KARS1: variants seen among roughly 807,000 people sequenced by gnomAD.
KARS1 encodes the protein lysyl-tRNA synthetase 1, also known as lysine--tRNA ligase.
In KARS1, 50 loss-of-function variants were observed where a neutral mutation model predicts 63.9. The observed-to-expected ratio is 0.78, with a 90% CI of 0.62 to 0.99. KARS1 has a LOEUF of 0.99. Among genes scored for constraint, KARS1 ranks in the 50% least tolerant of loss-of-function variants. The pLI, the probability that KARS1 is intolerant of heterozygous loss-of-function variation, is 0.00. For missense variants in KARS1, 816 were observed against 754.5 expected, an observed-to-expected ratio of 1.08 and a Z score of -0.95; for synonymous variants, 320 against 264.6, an observed-to-expected ratio of 1.21 and a Z score of -2.03.
intron 1 of KARS1, among the ~76,000 whole-genome samples, chr16:75,643,874 G>A (rs1017255064): frequency 6.6e-6 from 1 of 152,136 alleles, no homozygotes; most frequent in African/African-American, 2.4e-5. Flanking sequence ...AGATAAATCT[G>A]TTTTCCACTC....
chr16:75,637,484 A>G (rs1567502121), intron 3 of KARS1, among the ~76,000 whole-genome samples: 1 of 152,066 alleles, frequency 6.6e-6, no homozygotes, highest in Non-Finnish European at 1.5e-5. Flanking sequence ...CATTAAGAAG[A>G]TCTAAAGGAG....
intron 1 of KARS1, 46 bp downstream of exon 1, chr16:75,647,530 CCA>C (rs1567507342): frequency 6.3e-7 from 1 of 1,576,330 alleles, no homozygotes; most frequent in South Asian, 1.1e-5. Flanking sequence ...GCTTCCCAGC[CCA>C]GACTCTCCTA....
chr16:75,635,704 G>A lies in KARS1; in HGVS notation c.771C>T (p.Phe257=), dbSNP rs888079299. ...RSKIITYIRS[F]LDELGFLEIE... ...CCTCTAGGAATCCCAGCTCATCTAA[G>A]AAACTTCTTATATATGTGATGATCT... The change falls in exon 6 of 14, where the codon TTC becomes TTT. Residue 257 remains phenylalanine (F), a synonymous_variant. Transcript: ENST00000302445. 5 of 1,614,166 alleles carry A rather than the reference G, an allele frequency of 3.1e-6. No homozygotes were observed. Among genetic ancestry groups the A allele is most frequent in the East Asian group, 4.5e-5 (2 of 44,884 alleles).
intron 6 of KARS1, 35 bp downstream of exon 6, chr16:75,635,645 G>A: frequency 6.2e-7 from 1 of 1,612,112 alleles, no homozygotes; most frequent in Non-Finnish European, 8.5e-7. Flanking sequence ...GCATTGCAAG[G>A]CAGCTCATCA....
intron 6 of KARS1, among the ~76,000 whole-genome samples, chr16:75,634,538 C>A (rs926253245): frequency 1.3e-5 from 2 of 152,188 alleles, no homozygotes; most frequent in African/African-American, 4.8e-5. Context: ...AAATTAGAAT[C>A]TAAATGGATA....
chr16:75,645,333 C>T (rs746030631), intron 1 of KARS1, among the ~76,000 whole-genome samples: 1 of 152,192 alleles, frequency 6.6e-6, no homozygotes, highest in Non-Finnish European at 1.5e-5. Context: ...AGTTCAGATC[C>T]GTGCTCCAGT....
chr16:75,643,555 A>G (rs147441039), intron 1 of KARS1, among the ~76,000 whole-genome samples: 2 of 151,910 alleles, frequency 1.3e-5, no homozygotes, highest in Admixed American at 1.3e-4. Context: ...TTTTTTTGGT[A>G]TTTTTAGTGA....
intron 1 of KARS1, among the ~76,000 whole-genome samples, chr16:75,644,981 C>G (rs919509172): frequency 6.6e-6 from 1 of 152,178 alleles, no homozygotes; most frequent in African/African-American, 2.4e-5. Flanking sequence ...CAGGAAGGTC[C>G]TTAGACTGCG....
chr16:75,645,639 C>G (rs2082272249), intron 1 of KARS1, among the ~76,000 whole-genome samples: 1 of 152,060 alleles, frequency 6.6e-6, no homozygotes, highest in Admixed American at 6.6e-5. Flanking sequence ...CTGAGCTCAG[C>G]AGTTTGACGC....
chr16:75,641,235 T>C (rs1256333477), intron 2 of KARS1, among the ~76,000 whole-genome samples: 1 of 152,062 alleles, frequency 6.6e-6, no homozygotes, highest in African/African-American at 2.4e-5. Context: ...TGGGTTTGGC[T>C]GGTGGACTGT....
At chr16:75,646,192 T>C (rs1482743372) in intron 1 of KARS1, among the ~76,000 whole-genome samples, 1 of 152,204 alleles carries the variant, frequency 6.6e-6, no homozygotes, top group Admixed American at 6.5e-5. Context: ...ACTTCGACAA[T>C]TTCTCTTATA....
chr16:75,638,885 C>T (rs1019683428), intron 3 of KARS1, among the ~76,000 whole-genome samples: 3 of 152,154 alleles, frequency 2.0e-5, no homozygotes, highest in Admixed American at 2.0e-4. Context: ...TAAAAAAGAT[C>T]TGCTGGGAGC....
chr16:75,641,585 C>G lies in KARS1; in HGVS notation c.201G>C (p.Glu67Asp), dbSNP rs759467580. 1.2e-6 allele frequency: 2 copies of G among 1,613,934 alleles called. No homozygotes were observed. Among genetic ancestry groups the G allele is most frequent in the Non-Finnish European group, 8.5e-7 (1 of 1,179,938 alleles). ...NHTTDNGVGP[E>D]EESVDPNQYY... ...TCACATTTGGGTCCACGCTCTCTTC[C>G]TCAGGACCCACACCATTATCAGTGG... Residue 67 changes from glutamate to aspartate, a missense_variant, in exon 2 of 14, where the codon GAG (glutamate) becomes GAC (aspartate). Glu to Asp is a conservative substitution (Grantham distance 45, BLOSUM62 2). Coordinates refer to ENST00000302445, the MANE Select transcript of KARS1 (RefSeq NM_005548.3).
Position 75,641,712 on chromosome 16 carries a change from C to T in KARS1, c.74G>A (p.Arg25Lys). The T allele has an allele frequency of 3.7e-6, 6 of 1,613,902 alleles. No individual in the cohort carries two copies. Among genetic ancestry groups the T allele is most frequent in the Non-Finnish European group, 5.1e-6 (6 of 1,180,044 alleles). The change falls in exon 2 of 14, where the codon AGA (arginine) becomes AAA (lysine). Residue 25 changes from arginine (R) to lysine (K), a missense_variant. Coordinates refer to ENST00000302445, the MANE Select transcript of KARS1 (RefSeq NM_005548.3). ...EPKLSKNELKRRLKAEKKVAE... is the reference protein window; with the variant it reads ...EPKLSKNELKKRLKAEKKVAE... The stretch of plus-strand genomic sequence containing the variant: ...TACTTTCTTCTCAGCTTTCAGGCGT[C>T]TCTTCAGCTCACTGTTGGAAAGATG...
chr16:75,640,132 C>T lies in KARS1; in HGVS notation c.388+52G>A, dbSNP rs1012637235. On this transcript the variant is annotated intron_variant, in intron 3 of 13. Coordinates refer to ENST00000302445, the MANE Select transcript of KARS1 (RefSeq NM_005548.3). The stretch of plus-strand genomic sequence containing the variant: ...AGACCTTCCCTTGTGCTACTGAAGC[C>T]GCAGGCCTACCTGCTGTGGGAGTTC... 3.5e-5 allele frequency: 54 copies of T among 1,524,506 alleles called. 1 individual carries two copies. The East Asian group carries it at 4.7e-4, about 13-fold the overall frequency. The allele number at this position is 1,524,506 out of a possible 1,614,324, so 94.4% of individuals were successfully genotyped here. A position where few individuals can be genotyped will look rare whatever the true frequency, so the allele number is the denominator to read the frequency against.
intron 7 of KARS1, among the ~76,000 whole-genome samples, chr16:75,632,963 C>A (rs1373783841): frequency 6.6e-6 from 1 of 152,088 alleles, no homozygotes; most frequent in Non-Finnish European, 1.5e-5. Context: ...AGAGGCTTCC[C>A]CAGTTAAGTC....
In KARS1 at chr16:75,635,677, T is replaced by G. The variant is rs774252022; in HGVS notation, c.795+3A>C. 1.2e-5 allele frequency: 19 copies of G among 1,613,832 alleles called. No individual in the cohort carries two copies. In the Admixed American group the frequency reaches 3.2e-4, roughly 27 times the overall value. ...ATCACGTCAGGCAAGGAACTCTCCTTACCTCTAGGAATCCCAGCTCATCTA... is the reference window on the plus strand; with the variant it reads ...ATCACGTCAGGCAAGGAACTCTCCTGACCTCTAGGAATCCCAGCTCATCTA... On this transcript the variant is annotated splice_donor_region_variant and intron_variant, in intron 6 of 13. Coordinates refer to ENST00000302445, the MANE Select transcript of KARS1 (RefSeq NM_005548.3).
chr16:75,641,311 C>G (rs1254466305), intron 2 of KARS1, among the ~76,000 whole-genome samples: 1 of 152,178 alleles, frequency 6.6e-6, no homozygotes, highest in Admixed American at 6.5e-5. Flanking sequence ...TCCCTGGGGC[C>G]TCAAGGTCAA....
chr16:75,631,615 G>A (rs766937601), intron 8 of KARS1, 26 bp from the exon 9 acceptor site: 12 of 1,613,970 alleles, frequency 7.4e-6, no homozygotes, highest in African/African-American at 5.3e-5. Context: ...GTTATTTAGC[G>A]GGAATGAAAT....
Sources: gnomAD v4.1 joint callset for allele counts (sites outside exome capture counted in the v4.1 genomes callset) on GRCh38, gnomAD v4.1.1 for gene constraint, MANE v1.5 for transcripts, NCBI Gene and HGNC (gene_info 2026-07-23, HGNC 2026-07-21) for gene names.